TMED3: variants seen among roughly 807,000 people sequenced by gnomAD.
TMED3 encodes transmembrane p24 trafficking protein 3.
In TMED3, 9 loss-of-function variants were observed where a neutral mutation model predicts 15.0. The observed-to-expected ratio is 0.60, with a 90% CI of 0.36 to 1.04. The LOEUF (loss-of-function observed/expected upper bound fraction) is 1.04. Among genes scored for constraint, TMED3 ranks in the 50% least tolerant of loss-of-function variants. The probability of loss-of-function intolerance (pLI) is 0.01; values close to 1 mark genes in which losing one functional copy is unlikely to be tolerated. For missense variants in TMED3, 267 were observed against 278.9 expected (o/e 0.96, Z 0.30); for synonymous variants, 117 against 121.4 (o/e 0.96, Z 0.24).
At chr15:79,338,084 C>T (rs1460952335) in intron 2 of TMED3, among the ~76,000 whole-genome samples, 1 of 152,118 alleles carries the variant, frequency 6.6e-6, no homozygotes, top group Non-Finnish European at 1.5e-5. Context: ...TAAAAACACA[C>T]ATTAAACACT....
At chr15:79,413,679 C>T (rs1364442696) in exon 3 of TMED3, 1 of 152,164 alleles carries the variant, frequency 6.6e-6, no homozygotes, top group Non-Finnish European at 1.5e-5. Flanking sequence ...TTACATAGCT[C>T]TTGTTCAAGC....
rs933924272 is a variant in TMED3 at position 79,322,505 on chromosome 15, C to A, written c.*291C>A. ...GGGTGGACAGGCAATGGTTCAGTGG[C>A]CTGGCTGTTGGCAGGAACTCCAAGT... On this transcript the variant is annotated 3_prime_UTR_variant, in exon 3 of 3. Coordinates refer to ENST00000299705, the MANE Select transcript of TMED3 (RefSeq NM_007364.4). The A allele has an allele frequency of 4.1e-6, 5 of 1,219,904 alleles. No homozygotes were observed. In the African/African-American group the frequency reaches 6.2e-5, roughly 15 times the overall value. 75.6% of individuals were successfully genotyped at this position (1,219,904 alleles called of 1,614,324 possible). A position where few individuals can be genotyped will look rare whatever the true frequency, so the allele number is the denominator to read the frequency against.
At chr15:79,327,942 CTAT>C (rs1398404966) in intron 2 of TMED3, among the ~76,000 whole-genome samples, 1 of 152,132 alleles carries the variant, frequency 6.6e-6, no homozygotes, top group Non-Finnish European at 1.5e-5. Flanking sequence ...ATATCTTTTT[CTAT>C]GTGTTTGGGG....
intron 2 of TMED3, among the ~76,000 whole-genome samples, chr15:79,372,452 T>C (rs1287331098): frequency 6.6e-6 from 1 of 152,248 alleles, no homozygotes; most frequent in Non-Finnish European, 1.5e-5. Flanking sequence ...AATAAAGACA[T>C]ATCTGAGGCT....
intron 2 of TMED3, among the ~76,000 whole-genome samples, chr15:79,341,212 A>AAAAC (rs1295978738): frequency 2.0e-5 from 2 of 101,884 alleles, no homozygotes; most frequent in East Asian, 5.3e-4. Context: ...AAAAAAAAAA[A>AAAAC]AAAAAAGGTG....
intron 2 of TMED3, among the ~76,000 whole-genome samples, chr15:79,403,492 A>G (rs1170444702): frequency 1.3e-5 from 2 of 151,834 alleles, no homozygotes; most frequent in East Asian, 3.9e-4. Flanking sequence ...CCCTTTTACC[A>G]TTATCTCTTG....
intron 2 of TMED3, chr15:79,315,827 C>G (rs1334483727): frequency 6.6e-6 from 1 of 152,266 alleles, no homozygotes; most frequent in Non-Finnish European, 1.5e-5. Context: ...ATTGTGCCAG[C>G]CGTGGATGGC....
intron 2 of TMED3, among the ~76,000 whole-genome samples, chr15:79,317,438 A>G (rs1348221196): frequency 1.3e-5 from 2 of 152,226 alleles, no homozygotes; most frequent in African/African-American, 2.4e-5. Context: ...CTACGGTCCA[A>G]GGAGTCCCCA....
At chr15:79,321,668 G>A (rs188297857) in intron 2 of TMED3, among the ~76,000 whole-genome samples, 13 of 152,160 alleles carry the variant, frequency 8.5e-5, no homozygotes, top group African/African-American at 3.1e-4. Flanking sequence ...GTAATGATCC[G>A]TGCCTATCAG....
intron 2 of TMED3, among the ~76,000 whole-genome samples, chr15:79,403,552 A>G (rs1708203474): frequency 6.6e-6 from 1 of 151,636 alleles, no homozygotes; most frequent in South Asian, 2.1e-4. Flanking sequence ...TTTTGTATAT[A>G]CTCCTTTCAG....
intron 1 of TMED3, among the ~76,000 whole-genome samples, chr15:79,312,625 G>A (rs2058720713): frequency 6.6e-6 from 1 of 152,152 alleles, no homozygotes; most frequent in Admixed American, 6.5e-5. Context: ...ATGGATCTTG[G>A]TTATAGCCAT....
chr15:79,311,526 G>A, intron 1 of TMED3, 109 bp downstream of exon 1: 1 of 1,353,780 alleles, frequency 7.4e-7, no homozygotes, highest in Non-Finnish European at 9.9e-7. Flanking sequence ...AGGCTACAGG[G>A]AGGCTGCATG....
At chr15:79,396,424 T>C (rs1893763743) in intron 2 of TMED3, among the ~76,000 whole-genome samples, 2 of 152,200 alleles carry the variant, frequency 1.3e-5, no homozygotes, top group South Asian at 4.1e-4. Flanking sequence ...CATTCACCTG[T>C]CCAGTACCTG....
intron 2 of TMED3, among the ~76,000 whole-genome samples, chr15:79,333,870 C>A (rs2058818295): frequency 1.3e-5 from 2 of 152,100 alleles, no homozygotes; most frequent in South Asian, 4.2e-4. Context: ...CAGGTAGATT[C>A]TCCTTCAAAC....
chr15:79,410,439 GGGCAGCTGTGATGT>G lies in TMED3; in HGVS notation c.418-957_418-944del, dbSNP rs202086145. Among the ~76,000 whole-genome samples, 1,190 of 152,232 alleles carry G rather than the reference GGGCAGCTGTGATGT, an allele frequency of 7.8e-3. 5 individuals are homozygous for G. Among genetic ancestry groups the G allele is most frequent in the Middle Eastern group, 0.014 (4 of 294 alleles). Reference sequence around the variant, plus strand: ...TCCTAATTGGGGAGAGCACTTGGAGGGGCAGCTGTGATGTGGCCAGCAAAAGAGCACAACTATCA... The same window carrying G: ...TCCTAATTGGGGAGAGCACTTGGAGGGGCCAGCAAAAGAGCACAACTATCA... On this transcript the variant is annotated intron_variant, in intron 2 of 2. Coordinates refer to the TMED3 transcript ENST00000424155.
intron 2 of TMED3, among the ~76,000 whole-genome samples, chr15:79,389,687 G>A (rs897289641): frequency 3.0e-4 from 45 of 152,108 alleles, no homozygotes; most frequent in African/African-American, 1.1e-3. Flanking sequence ...TTGGCAGTAT[G>A]GTCGTTTTCA....
At chr15:79,352,299 C>T (rs1259535624) in intron 2 of TMED3, among the ~76,000 whole-genome samples, 1 of 152,174 alleles carries the variant, frequency 6.6e-6, no homozygotes, top group Non-Finnish European at 1.5e-5. Context: ...GCTTCATCCC[C>T]AGAAGGCACC....
chr15:79,371,425 T>C (rs1893336522), intron 2 of TMED3, among the ~76,000 whole-genome samples: 1 of 152,050 alleles, frequency 6.6e-6, no homozygotes, highest in South Asian at 2.1e-4. Flanking sequence ...TATTGCCTGC[T>C]GCCCTGAAAA....
chr15:79,366,550 C>T (rs147389733), intron 2 of TMED3, among the ~76,000 whole-genome samples: 28 of 152,324 alleles, frequency 1.8e-4, no homozygotes, highest in Non-Finnish European at 3.7e-4. Flanking sequence ...CTTCTCAGGG[C>T]GAGCTAGGTG....
Sources: gnomAD v4.1 joint callset for allele counts (sites outside exome capture counted in the v4.1 genomes callset) on GRCh38, gnomAD v4.1.1 for gene constraint, MANE v1.5 for transcripts, NCBI Gene and HGNC (gene_info 2026-07-23, HGNC 2026-07-21) for gene names.